PCDH17: variants seen among roughly 807,000 people sequenced by gnomAD.
The protein encoded by PCDH17 is protocadherin-17.
PCDH17 carries 21 observed loss-of-function variants against 67.7 expected under a neutral mutation model. The observed-to-expected ratio is 0.31, with a 90% CI of 0.22 to 0.45. The LOEUF (loss-of-function observed/expected upper bound fraction) is 0.45, where lower values mean the gene tolerates loss of function less well. PCDH17 is among the 20% of genes least tolerant of loss of function. PCDH17 has a pLI of 1.00. For synonymous variants in PCDH17, 701 were observed against 656.7 expected, an observed-to-expected ratio of 1.07 and a Z score of -1.03; for missense variants, 1,471 against 1,564.8, an observed-to-expected ratio of 0.94 and a Z score of 1.01.
chr13:57,634,706 A>G lies in PCDH17; in HGVS notation c.2160A>G (p.Leu720=), dbSNP rs1954794988. 1 of 1,613,790 alleles carries G rather than the reference A, an allele frequency of 6.2e-7. No homozygotes were observed. Among genetic ancestry groups the G allele is most frequent in the African/African-American group, 1.3e-5 (1 of 74,986 alleles). ...TGAGCACTATCTCCATCATCCTCCT[A>G]GCGGCCATGATCACCATCGCCGTCA... ...VTLSTISIIL[L]AAMITIAVKC... The change falls in exon 1 of 4, where the codon CTA becomes CTG. Residue 720 remains leucine, a synonymous_variant. Transcript: ENST00000377918. This position sits in a 1 kb window ranked among gnomAD's most constrained non-coding sequence, Gnocchi z 7.8.
intron 3 of PCDH17, among the ~76,000 whole-genome samples, chr13:57,680,496 T>C (rs9563520): frequency 0.22 from 32,946 of 151,536 alleles, 3,732 homozygotes; most frequent in Middle Eastern, 0.29. Context: ...AATGCCATAC[T>C]AACGAGTTTA....
chr13:57,654,235 C>G (rs985926607), intron 1 of PCDH17, among the ~76,000 whole-genome samples: 2 of 152,080 alleles, frequency 1.3e-5, no homozygotes, highest in African/African-American at 2.4e-5. Context: ...ATGAAATTCT[C>G]TGTCACAAAT....
chr13:57,714,570 A>C (rs1369657425), intron 3 of PCDH17, among the ~76,000 whole-genome samples: 1 of 151,746 alleles, frequency 6.6e-6, no homozygotes, highest in African/African-American at 2.4e-5. Context: ...ATACTTAAAC[A>C]GTCTTGGGTC....
chr13:57,691,808 T>C lies in PCDH17; in HGVS notation c.2797+24975T>C, dbSNP rs150092282. Among the ~76,000 whole-genome samples, 217 of 151,340 alleles carry C rather than the reference T, an allele frequency of 1.4e-3. 1 individual carries two copies. Among genetic ancestry groups the C allele is most frequent in the African/African-American group, 5.1e-3 (211 of 41,500 alleles). ...TAATTTTAGTTGCTGTTAGTATGAATGTAGAGTTTCCTTACATATTTTGCC... is the reference window on the plus strand; with the variant it reads ...TAATTTTAGTTGCTGTTAGTATGAACGTAGAGTTTCCTTACATATTTTGCC... On this transcript the variant is annotated intron_variant, in intron 3 of 3. Coordinates refer to ENST00000377918, the MANE Select transcript of PCDH17 (RefSeq NM_001040429.3).
intron 3 of PCDH17, among the ~76,000 whole-genome samples, chr13:57,693,005 A>G (rs1955573028): frequency 6.6e-6 from 1 of 150,810 alleles, no homozygotes; most frequent in Admixed American, 6.6e-5. Flanking sequence ...AATTAAAGAA[A>G]TAGAGACAGT....
Position 57,632,708 on chromosome 13 carries a change from C to T in PCDH17, c.162C>T (p.Gly54=). 2 of 1,611,340 alleles carry T rather than the reference C, an allele frequency of 1.2e-6. No individual in the cohort carries two copies. Among genetic ancestry groups the T allele is most frequent in the Middle Eastern group, 1.7e-4 (1 of 6,060 alleles). The change falls in exon 1 of 4, where the codon GGC becomes GGT. Residue 54 remains glycine (G), a synonymous_variant. Transcript: ENST00000377918. ...LQPGLPPAER[G]GGGRSKSGSY... ...CTGGGCTTCCGCCTGCAGAGCGCGGCGGCGGAGGGCGCAGCAAGTCGGGTA... is the reference window on the plus strand; with the variant it reads ...CTGGGCTTCCGCCTGCAGAGCGCGGTGGCGGAGGGCGCAGCAAGTCGGGTA...
intron 3 of PCDH17, among the ~76,000 whole-genome samples, chr13:57,715,413 A>C (rs967391927): frequency 6.6e-6 from 1 of 151,890 alleles, no homozygotes; most frequent in Admixed American, 6.6e-5. Context: ...AGTGTGTCAT[A>C]TATTCAAGGA....
At chr13:57,635,630 TA>T (rs1422374130) in intron 1 of PCDH17, among the ~76,000 whole-genome samples, 1 of 152,232 alleles carries the variant, frequency 6.6e-6, no homozygotes, top group Non-Finnish European at 1.5e-5. Flanking sequence ...TTTTCATCCT[TA>T]AAAAGTCAGC....
chr13:57,631,609 C>T (rs1024480891), upstream of PCDH17, among the ~76,000 whole-genome samples: 1 of 152,156 alleles, frequency 6.6e-6, no homozygotes, highest in Admixed American at 6.5e-5. Context: ...CTTCCCCCCT[C>T]CCAATAGACT....
chr13:57,687,867 A>G (rs1295258674), intron 3 of PCDH17, among the ~76,000 whole-genome samples: 1 of 151,916 alleles, frequency 6.6e-6, no homozygotes, highest in East Asian at 1.9e-4. Context: ...GAGCTCCCCC[A>G]GTGGAGCTAA....
chr13:57,722,375 T>A (rs940479314), intron 3 of PCDH17, among the ~76,000 whole-genome samples: 2 of 152,168 alleles, frequency 1.3e-5, no homozygotes, highest in African/African-American at 4.8e-5. Context: ...TTTTAAAAAA[T>A]TTCATGATGC....
intron 3 of PCDH17, among the ~76,000 whole-genome samples, chr13:57,697,477 A>C (rs778768812): frequency 6.6e-6 from 1 of 151,686 alleles, no homozygotes; most frequent in Non-Finnish European, 1.5e-5. Flanking sequence ...AAATAGGCTA[A>C]ATGATGTTAA....
chr13:57,711,004 A>G (rs1210223032), intron 3 of PCDH17, among the ~76,000 whole-genome samples: 1 of 151,988 alleles, frequency 6.6e-6, no homozygotes, highest in Admixed American at 6.6e-5. Flanking sequence ...ACACATATGT[A>G]AGGTCTATAT....
chr13:57,632,475 C>G lies in PCDH17; in HGVS notation c.-72C>G. ...TCGCGCGCGCACGCTGCGCCAGGGC[C>G]CCAGGCTGGCGCGCACTCCCTCTCT... On this transcript the variant is annotated 5_prime_UTR_variant, in exon 1 of 4. Coordinates refer to ENST00000377918, the MANE Select transcript of PCDH17 (RefSeq NM_001040429.3). 1 of 1,481,042 alleles carries G rather than the reference C, an allele frequency of 6.8e-7. No homozygotes were observed. Among genetic ancestry groups the G allele is most frequent in the Non-Finnish European group, 9.1e-7 (1 of 1,097,734 alleles). 91.7% of individuals were successfully genotyped at this position (1,481,042 alleles called of 1,614,324 possible). A position where few individuals can be genotyped will look rare whatever the true frequency, so the allele number is the denominator to read the frequency against.
chr13:57,703,817 G>T (rs1360445156), intron 3 of PCDH17, among the ~76,000 whole-genome samples: 1 of 151,966 alleles, frequency 6.6e-6, no homozygotes, highest in Non-Finnish European at 1.5e-5. Flanking sequence ...ACTTAATTAT[G>T]ACCTTTTTAA....
chr13:57,662,445 A>G (rs891856867), intron 1 of PCDH17, among the ~76,000 whole-genome samples: 4 of 152,160 alleles, frequency 2.6e-5, no homozygotes, highest in Non-Finnish European at 5.9e-5. Flanking sequence ...TTCAGCATAC[A>G]GATCCTATAC....
At chr13:57,706,508 G>C (rs1405074806) in intron 3 of PCDH17, among the ~76,000 whole-genome samples, 2 of 152,030 alleles carry the variant, frequency 1.3e-5, no homozygotes, top group African/African-American at 4.8e-5. Flanking sequence ...CCACTAACTG[G>C]GTGGCTTAAA....
chr13:57,680,585 T>C (rs960823070), intron 3 of PCDH17, among the ~76,000 whole-genome samples: 10 of 151,606 alleles, frequency 6.6e-5, no homozygotes, highest in African/African-American at 2.4e-4. Flanking sequence ...GAATGATTTT[T>C]TTTTTATTAT....
chr13:57,659,043 C>T (rs1955148412), intron 1 of PCDH17, among the ~76,000 whole-genome samples: 1 of 151,884 alleles, frequency 6.6e-6, no homozygotes, highest in African/African-American at 2.4e-5. Context: ...CTGAATATCT[C>T]ATGACTCTAT....
Sources: gnomAD v4.1 joint callset for allele counts (sites outside exome capture counted in the v4.1 genomes callset) on GRCh38, gnomAD v4.1.1 for gene constraint, Gnocchi (gnomAD v3.1) non-coding constraint, MANE v1.5 for transcripts, NCBI Gene and HGNC (gene_info 2026-07-23, HGNC 2026-07-21) for gene names.